The following PRMT8 variants were observed in gnomAD, a reference collection of about 807,000 sequenced individuals.
PRMT8 encodes protein arginine N-methyltransferase 8.
In PRMT8, 7 loss-of-function variants were observed where a neutral mutation model predicts 47.1. The ratio of observed to expected loss-of-function variants is 0.15; its 90% CI spans 0.08 to 0.28. The LOEUF (loss-of-function observed/expected upper bound fraction) is 0.28, where lower values mean the gene tolerates loss of function less well. PRMT8 is among the 10% of genes least tolerant of loss of function. The pLI, the probability that PRMT8 is intolerant of heterozygous loss-of-function variation, is 1.00. For synonymous variants in PRMT8, 188 were observed against 186.5 expected (o/e 1.01, Z -0.07); for missense variants, 237 against 505.4 (o/e 0.47, Z 5.09).
chr12:3,531,747 C>T lies in PRMT8; in HGVS notation c.76-8859C>T, dbSNP rs111340847. On this transcript the variant is annotated intron_variant, in intron 1 of 9. Coordinates refer to ENST00000382622, the MANE Select transcript of PRMT8 (RefSeq NM_019854.5). Reference sequence around the variant, plus strand: ...CCTACCAGTGACCGGCCCAAGGTCACGAAGCCTGAAGGTGGCGGCGCCCAC... The same window carrying T: ...CCTACCAGTGACCGGCCCAAGGTCATGAAGCCTGAAGGTGGCGGCGCCCAC... Among the ~76,000 whole-genome samples the T allele has an allele frequency of 2.6e-3, 393 of 152,338 alleles. 1 individual carries two copies. Among genetic ancestry groups the T allele is most frequent in the African/African-American group, 8.6e-3 (358 of 41,586 alleles).
At chr12:3,459,186 G>A (rs1348958947) in intron 1 of PRMT8, among the ~76,000 whole-genome samples, 1 of 152,024 alleles carries the variant, frequency 6.6e-6, no homozygotes, top group Non-Finnish European at 1.5e-5. Flanking sequence ...AGAACTTCTG[G>A]GTAAAGTTAC....
intron 1 of PRMT8, among the ~76,000 whole-genome samples, chr12:3,397,041 C>T (rs1296221155): frequency 1.3e-5 from 2 of 151,932 alleles, no homozygotes; most frequent in African/African-American, 2.4e-5. Context: ...ACGTAGTTCT[C>T]GAGCCTTGGT....
intron 1 of PRMT8, among the ~76,000 whole-genome samples, chr12:3,482,859 G>C (rs1865287826): frequency 6.6e-6 from 1 of 152,164 alleles, no homozygotes; most frequent in African/African-American, 2.4e-5. Context: ...GGTTTTACCA[G>C]GCCCATCTCT....
rs549057464 is a variant in PRMT8 at position 3,523,364 on chromosome 12, G to T, written c.76-17242G>T. 1.9e-4 allele frequency among the ~76,000 whole-genome samples: 29 copies of T among 152,178 alleles called. No individual in the cohort carries two copies. In the South Asian group the frequency reaches 5.4e-3, roughly 28 times the overall value. On this transcript the variant is annotated intron_variant, in intron 1 of 9. Coordinates refer to ENST00000382622, the MANE Select transcript of PRMT8 (RefSeq NM_019854.5). Reference sequence around the variant, plus strand: ...AAACAACCCAGCTACTCTAAACCAGGAAGCTTGGAGGTATGGATTAGGAAT... The same window carrying T: ...AAACAACCCAGCTACTCTAAACCAGTAAGCTTGGAGGTATGGATTAGGAAT...
At chr12:3,504,991 T>G (rs1170710372) in intron 1 of PRMT8, among the ~76,000 whole-genome samples, 1 of 120,872 alleles carries the variant, frequency 8.3e-6, no homozygotes, top group Non-Finnish European at 1.7e-5. Flanking sequence ...CCCCTTTCTT[T>G]GACTCGGAAA....
chr12:3,554,214 G>C (rs1336707453), intron 4 of PRMT8, among the ~76,000 whole-genome samples: 5 of 152,172 alleles, frequency 3.3e-5, no homozygotes, highest in African/African-American at 1.2e-4. Context: ...TCTTCAGCTG[G>C]AGTCTGATTA....
intron 1 of PRMT8, among the ~76,000 whole-genome samples, chr12:3,450,132 G>A (rs1864901982): frequency 6.6e-6 from 1 of 152,196 alleles, no homozygotes; most frequent in Admixed American, 6.5e-5. Context: ...TATCTTAATA[G>A]CTTTTAAAGA....
At chr12:3,426,803 T>C (rs1469487434) in intron 1 of PRMT8, among the ~76,000 whole-genome samples, 1 of 152,102 alleles carries the variant, frequency 6.6e-6, no homozygotes, top group Non-Finnish European at 1.5e-5. Flanking sequence ...GGGTGGCGCT[T>C]TCTTGACTCG....
At chr12:3,565,972 G>C (rs111978038) in intron 4 of PRMT8, among the ~76,000 whole-genome samples, 61 of 152,254 alleles carry the variant, frequency 4.0e-4, no homozygotes, top group African/African-American at 1.4e-3. Context: ...CCGGAGGCAG[G>C]AGAAAACATC....
rs953541052 is a variant in PRMT8 at position 3,547,569 on chromosome 12, G to A, written c.262-2367G>A. On this transcript the variant is annotated intron_variant, in intron 2 of 9. Transcript: ENST00000382622. Reference sequence around the variant, plus strand: ...AAGGTGGGCAGATTACTTGAGCCCCGGCATTCAAGACCATCCTGGGCAACA... The same window carrying A: ...AAGGTGGGCAGATTACTTGAGCCCCAGCATTCAAGACCATCCTGGGCAACA... Among the ~76,000 whole-genome samples the A allele has an allele frequency of 1.6e-4, 24 of 152,182 alleles. 1 individual carries two copies. Among genetic ancestry groups the A allele is most frequent in the East Asian group, 3.9e-4 (2 of 5,168 alleles).
rs1429995567 is a variant in PRMT8, at chr12:3,538,864, G to A, written c.76-1742G>A. Reference sequence around the variant, plus strand: ...TTGCCAGCCCGCCCGGGATCTCACCGACGTGAAATCTGATGTTGCTAAACT... The same window carrying A: ...TTGCCAGCCCGCCCGGGATCTCACCAACGTGAAATCTGATGTTGCTAAACT... On this transcript the variant is annotated intron_variant, in intron 1 of 9. Coordinates refer to ENST00000382622, the MANE Select transcript of PRMT8 (RefSeq NM_019854.5). The surrounding 1 kb of genome is among the most constrained non-coding windows in gnomAD (Gnocchi z 4.6). 2.0e-5 allele frequency among the ~76,000 whole-genome samples: 3 copies of A among 152,154 alleles called. No homozygotes were observed. Among genetic ancestry groups the A allele is most frequent in the African/African-American group, 7.2e-5 (3 of 41,426 alleles).
chr12:3,513,620 A>T (rs577164817), intron 1 of PRMT8, among the ~76,000 whole-genome samples: 1 of 152,282 alleles, frequency 6.6e-6, no homozygotes, highest in Admixed American at 6.5e-5. Flanking sequence ...GTGAGAGTGC[A>T]GTCTTCTCTG....
At chr12:3,440,970 C>T (rs536654739) in intron 1 of PRMT8, among the ~76,000 whole-genome samples, 13 of 152,290 alleles carry the variant, frequency 8.5e-5, no homozygotes, top group Admixed American at 5.2e-4. Flanking sequence ...ACTCTTTGTT[C>T]GGTGTGCCAA....
intron 1 of PRMT8, among the ~76,000 whole-genome samples, chr12:3,413,525 C>T (rs1271111282): frequency 6.6e-6 from 1 of 152,164 alleles, no homozygotes; most frequent in Non-Finnish European, 1.5e-5. Context: ...CATCTTGTCC[C>T]ACTGGAAGGT....
intron 1 of PRMT8, among the ~76,000 whole-genome samples, chr12:3,394,758 A>G (rs1864230957): frequency 1.3e-5 from 2 of 151,680 alleles, no homozygotes; most frequent in East Asian, 1.9e-4. Flanking sequence ...CTCTTTTCCT[A>G]TTGATTGGAA....
intron 4 of PRMT8, among the ~76,000 whole-genome samples, chr12:3,559,845 C>G (rs61907722): frequency 1.2e-4 from 19 of 152,198 alleles, no homozygotes; most frequent in Non-Finnish European, 2.4e-4. Flanking sequence ...GCACCCCTAC[C>G]ATTTCCTGGG....
Position 3,552,758 on chromosome 12 carries a change from C to T in PRMT8, c.418-893C>T. On this transcript the variant is annotated intron_variant, in intron 3 of 9. Transcript: ENST00000382622. The surrounding 1 kb of genome is among the most constrained non-coding windows in gnomAD (Gnocchi z 4.5). The stretch of plus-strand genomic sequence containing the variant: ...GAGGCGTCAGAAACTCCCTCAGTGC[C>T]CCTTTGCGAGTACTTCTCAAGGGAA... 1 of 480,370 alleles carries T rather than the reference C, an allele frequency of 2.1e-6. No homozygotes were observed. Among genetic ancestry groups the T allele is most frequent in the Non-Finnish European group, 4.2e-6 (1 of 239,802 alleles). The allele number at this position is 480,370 out of a possible 1,614,324, so 29.8% of individuals were successfully genotyped here.
chr12:3,475,691 C>G (rs1231807999), intron 1 of PRMT8, among the ~76,000 whole-genome samples: 2 of 149,072 alleles, frequency 1.3e-5, no homozygotes, highest in Non-Finnish European at 3.0e-5. Flanking sequence ...GATAGCTCCC[C>G]ATTCCTTGTC....
chr12:3,476,321 G>GGGTA (rs1565417257), intron 1 of PRMT8, among the ~76,000 whole-genome samples: 2 of 151,610 alleles, frequency 1.3e-5, no homozygotes, highest in Non-Finnish European at 2.9e-5. Flanking sequence ...TATGTAGGGT[G>GGGTA]CCAGACACGT....
Sources: gnomAD v4.1 joint callset for allele counts (sites outside exome capture counted in the v4.1 genomes callset) on GRCh38, gnomAD v4.1.1 for gene constraint, Gnocchi (gnomAD v3.1) non-coding constraint, MANE v1.5 for transcripts, NCBI Gene and HGNC (gene_info 2026-07-23, HGNC 2026-07-21) for gene names.